Variants in CHIC2 observed in about 807,000 individuals in gnomAD.
CHIC2 encodes cysteine-rich hydrophobic domain-containing protein 2.
Under a neutral mutation model 25.9 loss-of-function variants are expected in CHIC2, and 14 were observed. The observed-to-expected ratio is 0.54, with a 90% CI of 0.36 to 0.85. CHIC2 has a LOEUF of 0.85. CHIC2 is among the 40% of genes least tolerant of loss of function. CHIC2 has a pLI of 0.01. For synonymous variants in CHIC2, 70 were observed against 72.0 expected (o/e 0.97, Z 0.14); for missense variants, 146 against 202.0 (o/e 0.72, Z 1.68).
the CHIC2 span, among the ~76,000 whole-genome samples, chr4:54,074,132 C>T: frequency 1.1e-4 from 16 of 151,578 alleles, no homozygotes; most frequent in African/African-American, 2.9e-4. Flanking sequence ...CACTCCAGTC[C>T]GGGTGACAGT....
intron 3 of CHIC2, among the ~76,000 whole-genome samples, chr4:54,046,857 C>T (rs904989336): frequency 2.6e-4 from 40 of 152,298 alleles, no homozygotes; most frequent in African/African-American, 9.4e-4. Context: ...TCAGAGTGAA[C>T]AGGCAACCTA....
chr4:54,040,387 T>C (rs924680943), intron 3 of CHIC2, among the ~76,000 whole-genome samples: 2 of 151,774 alleles, frequency 1.3e-5, no homozygotes, highest in African/African-American at 4.8e-5. Context: ...GCCAAAATGG[T>C]GAAACCCCGT....
intron 3 of CHIC2, among the ~76,000 whole-genome samples, chr4:54,030,124 G>A (rs1045283292): frequency 1.3e-5 from 2 of 151,964 alleles, no homozygotes; most frequent in Non-Finnish European, 2.9e-5. Flanking sequence ...TTACATGAGA[G>A]AAATACAGGC....
the CHIC2 span, chr4:54,087,623 T>C: frequency 2.5e-4 from 156 of 636,264 alleles, no homozygotes; most frequent in African/African-American, 2.6e-3. Context: ...TTTGTAAGAA[T>C]AGGAGAAATG....
At chr4:54,036,799 A>T (rs1483083147) in intron 3 of CHIC2, among the ~76,000 whole-genome samples, 1 of 143,942 alleles carries the variant, frequency 6.9e-6, no homozygotes, top group Non-Finnish European at 1.5e-5. Context: ...CACAAAAAAA[A>T]AGAAAGGAAA....
upstream of CHIC2, among the ~76,000 whole-genome samples, chr4:54,066,502 G>A (rs987142844): frequency 4.5e-4 from 68 of 152,184 alleles, no homozygotes; most frequent in African/African-American, 1.6e-3. Context: ...GATATGCTAT[G>A]TTTCAGAGAT....
intron 4 of CHIC2, 33 bp from the exon 5 acceptor site, chr4:54,013,929 G>A: frequency 1.9e-6 from 3 of 1,609,470 alleles, no homozygotes; most frequent in Non-Finnish European, 1.7e-6. Context: ...GAAGAAAAAT[G>A]AGCTCTATTT....
At chr4:54,087,376 G>A in the CHIC2 span, 1 of 566,056 alleles carries the variant, frequency 1.8e-6, no homozygotes, top group South Asian at 3.0e-5. Context: ...TCCCTGCTAA[G>A]CAAAATGTAG....
the CHIC2 span, among the ~76,000 whole-genome samples, chr4:54,090,981 G>T: frequency 6.6e-6 from 1 of 151,928 alleles, no homozygotes; most frequent in Non-Finnish European, 1.5e-5. Context: ...AAACAAATGA[G>T]ATCTAAGCTA....
intron 3 of CHIC2, among the ~76,000 whole-genome samples, chr4:54,035,527 A>G (rs1299005456): frequency 2.0e-5 from 3 of 152,196 alleles, no homozygotes; most frequent in Non-Finnish European, 4.4e-5. Context: ...TACAGTTTAT[A>G]GTATTCATTA....
chr4:54,087,111 A>C, the CHIC2 span: 1 of 906,712 alleles, frequency 1.1e-6, no homozygotes. Flanking sequence ...CGCTCTGCAG[A>C]GAACTTCTTA....
intron 3 of CHIC2, among the ~76,000 whole-genome samples, chr4:54,025,579 C>A (rs550028350): frequency 1.1e-4 from 16 of 152,202 alleles, no homozygotes; most frequent in African/African-American, 3.4e-4. Flanking sequence ...GGGGTAAAGG[C>A]CGGGCGCAAT....
At chr4:54,034,844 CATT>C (rs1716336326) in intron 3 of CHIC2, among the ~76,000 whole-genome samples, 1 of 152,170 alleles carries the variant, frequency 6.6e-6, no homozygotes, top group African/African-American at 2.4e-5. Flanking sequence ...TTCAGACCTT[CATT>C]ATTAAGTGTC....
the CHIC2 span, among the ~76,000 whole-genome samples, chr4:54,080,702 G>T: frequency 6.7e-6 from 1 of 150,020 alleles, no homozygotes; most frequent in African/African-American, 2.5e-5. Context: ...GGAGGTGGAG[G>T]CCGAGATCGC....
the CHIC2 span, among the ~76,000 whole-genome samples, chr4:54,088,535 C>T: frequency 2.0e-5 from 3 of 152,000 alleles, no homozygotes; most frequent in Non-Finnish European, 4.4e-5. Flanking sequence ...GGGAAGAGTT[C>T]TCAACAGAGG....
chr4:54,029,851 T>A (rs967925061), intron 3 of CHIC2, among the ~76,000 whole-genome samples: 4 of 152,172 alleles, frequency 2.6e-5, no homozygotes, highest in African/African-American at 9.7e-5. Flanking sequence ...TGCTTATGAT[T>A]CCCCCAGGTT....
chr4:54,085,164 T>C, the CHIC2 span, among the ~76,000 whole-genome samples: 1 of 152,200 alleles, frequency 6.6e-6, no homozygotes, highest in African/African-American at 2.4e-5. Flanking sequence ...TAAATATGAA[T>C]GTCCTTAAGG....
the CHIC2 span, among the ~76,000 whole-genome samples, chr4:54,085,137 T>C: frequency 3.3e-5 from 5 of 152,122 alleles, no homozygotes; most frequent in African/African-American, 1.2e-4. Flanking sequence ...GATAAAGAAA[T>C]AACTCATTTA....
At chr4:54,067,442 A>G (rs554883196), upstream of CHIC2, among the ~76,000 whole-genome samples, 2 of 152,170 alleles carry the variant, frequency 1.3e-5, no homozygotes, top group African/African-American at 2.4e-5. Context: ...GAGAGTTGAC[A>G]TCGTAATTCC....
Sources: gnomAD v4.1 joint callset for allele counts (sites outside exome capture counted in the v4.1 genomes callset) on GRCh38, gnomAD v4.1.1 for gene constraint, MANE v1.5 for transcripts, NCBI Gene and HGNC (gene_info 2026-07-23, HGNC 2026-07-21) for gene names.